Variants in FUBP1 observed in about 807,000 individuals in gnomAD.
The protein encoded by FUBP1 is far upstream element binding protein 1.
In FUBP1, 16 loss-of-function variants were observed where a neutral mutation model predicts 94.9. That is an observed-to-expected ratio of 0.17 (90% CI 0.11 to 0.26). The LOEUF is 0.26. Among genes scored for constraint, FUBP1 ranks in the 10% least tolerant of loss-of-function variants. FUBP1 has a pLI of 1.00. For missense variants in FUBP1, 583 were observed against 808.6 expected (o/e 0.72, Z 3.38); for synonymous variants, 279 against 254.9 (o/e 1.09, Z -0.90).
chr1:77,975,790 C>T (rs563579876), intron 1 of FUBP1, among the ~76,000 whole-genome samples: 1 of 152,164 alleles, frequency 6.6e-6, no homozygotes, highest in Non-Finnish European at 1.5e-5. Flanking sequence ...AGGCTGGAAA[C>T]CCTGAACTAA....
intron 18 of FUBP1, among the ~76,000 whole-genome samples, chr1:77,949,845 A>G (rs1226201094): frequency 1.3e-5 from 2 of 152,212 alleles, no homozygotes; most frequent in Non-Finnish European, 2.9e-5. Context: ...TAACCTATAA[A>G]GTGTATGTAC....
At chr1:77,968,900 T>C in intron 2 of FUBP1, 1 of 372,764 alleles carries the variant, frequency 2.7e-6, no homozygotes, top group South Asian at 2.1e-5. Context: ...ATCAGAATGT[T>C]GTGCAGCAAA....
chr1:77,958,334 C>G (rs1007811524), intron 16 of FUBP1, among the ~76,000 whole-genome samples: 1 of 152,152 alleles, frequency 6.6e-6, no homozygotes, highest in Non-Finnish European at 1.5e-5. Flanking sequence ...TAGAGGAGTT[C>G]AAAAACTTGC....
intron 17 of FUBP1, among the ~76,000 whole-genome samples, chr1:77,956,120 G>C (rs768360255): frequency 3.9e-5 from 6 of 152,038 alleles, no homozygotes; most frequent in African/African-American, 1.4e-4. Flanking sequence ...ATGATATAAA[G>C]AACTTAATAT....
chr1:77,954,205 G>A (rs1654022047), intron 18 of FUBP1, among the ~76,000 whole-genome samples: 1 of 152,118 alleles, frequency 6.6e-6, no homozygotes, highest in Non-Finnish European at 1.5e-5. Context: ...ATGCTGTCAG[G>A]GCATGATTAT....
chr1:77,975,439 T>C (rs1023292148), intron 1 of FUBP1, among the ~76,000 whole-genome samples: 3 of 152,206 alleles, frequency 2.0e-5, no homozygotes, highest in African/African-American at 7.2e-5. Flanking sequence ...AGCTCTAGTC[T>C]ATATTTTCAT....
At chr1:77,975,938 T>C (rs1278065951) in intron 1 of FUBP1, among the ~76,000 whole-genome samples, 1 of 151,702 alleles carries the variant, frequency 6.6e-6, no homozygotes, top group African/African-American at 2.4e-5. Context: ...AGAGTTAACA[T>C]TACTGGCATT....
intron 2 of FUBP1, 23 bp downstream of exon 2, chr1:77,969,902 A>C (rs753182338): frequency 9.5e-7 from 1 of 1,049,528 alleles, no homozygotes; most frequent in Non-Finnish European, 1.4e-6. Context: ...AAAACAATTT[A>C]AAATACTTAG....
intron 1 of FUBP1, among the ~76,000 whole-genome samples, chr1:77,975,410 T>C (rs1032106020): frequency 6.6e-6 from 1 of 151,722 alleles, no homozygotes; most frequent in Non-Finnish European, 1.5e-5. Context: ...AAGAGACTGA[T>C]GGAAATAAAA....
intron 1 of FUBP1, among the ~76,000 whole-genome samples, chr1:77,976,783 G>A (rs1237461261): frequency 6.6e-6 from 1 of 152,168 alleles, no homozygotes; most frequent in African/African-American, 2.4e-5. Flanking sequence ...GTGAGCCACC[G>A]TACCCGGCCT....
intron 2 of FUBP1, chr1:77,969,205 G>T: frequency 3.5e-6 from 1 of 286,724 alleles, no homozygotes; most frequent in South Asian, 3.2e-5. Flanking sequence ...AGGAAACCAA[G>T]TTCTCCTGGT....
chr1:77,955,130 A>G (rs1395683682), intron 18 of FUBP1, 125 bp downstream of exon 18: 5 of 563,486 alleles, frequency 8.9e-6, no homozygotes, highest in Middle Eastern at 3.7e-4. Context: ...TTTAAAAACT[A>G]TAATTTACAA....
In FUBP1 at chr1:77,968,165, A is replaced by G. The variant is rs772781464; in HGVS notation, c.250T>C (p.Ser84Pro). The G allele has an allele frequency of 2.6e-6, 4 of 1,520,522 alleles. No homozygotes were observed. Among genetic ancestry groups the G allele is most frequent in the Non-Finnish European group, 1.8e-6 (2 of 1,134,484 alleles). The allele number at this position is 1,520,522 out of a possible 1,614,324, so 94.2% of individuals were successfully genotyped here. Residue 84 changes from serine (S) to proline (P), a missense_variant and splice_region_variant, in exon 3 of 20, where the codon TCT (serine) becomes CCT (proline). Transcript: ENST00000370768. ...DAKKVAPQND[S>P]FGTQLPPMHQ... ...GACCCAGTTTAAAAGGAATACTTAC[A>G]GTCATTTTGAGGAGCAACTTTCTTA... is the stretch of plus-strand genomic sequence containing the variant.
chr1:77,948,956 G>T, intron 19 of FUBP1, 182 bp from the exon 20 acceptor site: 1 of 987,878 alleles, frequency 1.0e-6, no homozygotes, highest in Non-Finnish European at 1.6e-6. Flanking sequence ...AGGCATTGCA[G>T]AAATATTCAC....
At chr1:77,953,826 C>T (rs139223169) in intron 18 of FUBP1, among the ~76,000 whole-genome samples, 1 of 152,162 alleles carries the variant, frequency 6.6e-6, no homozygotes, top group East Asian at 1.9e-4. Context: ...GTATTAATGG[C>T]CATATTACAA....
Position 77,946,302 on chromosome 1 carries a change from C to A in FUBP1, c.*2464G>T, listed in dbSNP as rs375653475. On this transcript the variant is annotated 3_prime_UTR_variant, in exon 20 of 20. Coordinates refer to ENST00000370768, the MANE Select transcript of FUBP1 (RefSeq NM_003902.5). ...ACTGCAGCAATCTACTCATCATTTT[C>A]TTGTCTTAATAAAAAAAAAAAAGTA... Among the ~76,000 whole-genome samples, 7 of 150,958 alleles carry A rather than the reference C, an allele frequency of 4.6e-5. No individual in the cohort carries two copies. In the East Asian group the frequency reaches 1.2e-3, roughly 25 times the overall value.
intron 1 of FUBP1, 32 bp from the exon 2 acceptor site, chr1:77,970,047 A>G (rs918115960): frequency 5.6e-6 from 6 of 1,065,472 alleles, no homozygotes; most frequent in Admixed American, 2.1e-5. Flanking sequence ...ACCATCATAA[A>G]CTATTATATA....
chr1:77,965,170 G>T lies in FUBP1; in HGVS notation c.535C>A (p.His179Asn), dbSNP rs1203134411. 6.2e-7 allele frequency: 1 copy of T among 1,611,894 alleles called. No homozygotes were observed. The highest frequency in any genetic ancestry group is 1.7e-5 in the Admixed American group (1 of 59,992). Residue 179 changes from histidine to asparagine, a missense_variant, in exon 8 of 20, where the codon CAT becomes AAT. Coordinates refer to ENST00000370768, the MANE Select transcript of FUBP1 (RefSeq NM_003902.5). Reference sequence around the variant, plus strand: ...ACTGCATTTCCCGGTCCATCGCCATGATGGAAGCCAGGAGCTGGTCTTCCT... The same window carrying T: ...ACTGCATTTCCCGGTCCATCGCCATTATGGAAGCCAGGAGCTGGTCTTCCT... ...EKGRPAPGFH[H>N]GDGPGNAVQE...
chr1:77,964,460 C>T (rs1656097960), intron 10 of FUBP1, 104 bp from the exon 11 acceptor site: 1 of 708,394 alleles, frequency 1.4e-6, no homozygotes, highest in Admixed American at 2.8e-5. Flanking sequence ...TGCCTCAAAT[C>T]ATAAAAGTAC....
Sources: allele counts gnomAD v4.1 joint callset (sites outside exome capture counted in the v4.1 genomes callset), GRCh38; gene constraint gnomAD v4.1.1; transcripts MANE v1.5; gene names NCBI Gene and HGNC (gene_info 2026-07-23, HGNC 2026-07-21).